ZNF580: variants seen among roughly 807,000 people sequenced by gnomAD.
The protein encoded by ZNF580 is zinc finger protein 580.
ZNF580 carries 1 observed loss-of-function variant against 1.3 expected under a neutral mutation model. The observed-to-expected ratio is 0.77, with a 90% CI of 0.27 to 3.65. The LOEUF is 3.65. Among genes scored for constraint, ZNF580 ranks in the 30% most tolerant of loss-of-function variants. The pLI is 0.19. For missense variants in ZNF580, 268 were observed against 272.3 expected (o/e 0.98, Z 0.11); for synonymous variants, 135 against 128.8 (o/e 1.05, Z -0.32).
In ZNF580 at chr19:55,642,751, G is replaced by T. The variant is rs777386956; in HGVS notation, c.243G>T (p.Ala81=). Reference sequence around the variant, plus strand: ...CCCGGGGCCCGCCCCAGCGCGAGGCGCCCCCAGGAGAGCCCGGCCCTCGCA... The same window carrying T: ...CCCGGGGCCCGCCCCAGCGCGAGGCTCCCCCAGGAGAGCCCGGCCCTCGCA... ...EEPRGPPQRE[A]PPGEPGPRKG... The change falls in exon 2 of 2, where the codon GCG becomes GCT. Residue 81 remains alanine (A), a synonymous_variant. Coordinates refer to ENST00000325333, the MANE Select transcript of ZNF580 (RefSeq NM_207115.2). 2.0e-6 allele frequency: 3 copies of T among 1,530,252 alleles called. No homozygotes were observed. The highest frequency in any genetic ancestry group is 1.2e-5 in the South Asian group (1 of 82,788). 94.8% of individuals were successfully genotyped at this position (1,530,252 alleles called of 1,614,324 possible).
chr19:55,642,405 C>G, intron 1 of ZNF580, 92 bp from the exon 2 acceptor site: 1 of 1,352,044 alleles, frequency 7.4e-7, no homozygotes, highest in Non-Finnish European at 9.5e-7. Flanking sequence ...CAAAGGGTAA[C>G]AAGCAGTGAT....
intron 1 of ZNF580, chr19:55,641,925 A>C: frequency 4.5e-6 from 2 of 443,478 alleles, no homozygotes; most frequent in Non-Finnish European, 3.0e-6. Context: ...GGAGGTACCT[A>C]GAGAGGAAGT....
rs1982612302 is a variant in ZNF580, at chr19:55,642,878, G to A, written c.370G>A (p.Ala124Thr). The A allele has an allele frequency of 1.3e-6, 2 of 1,564,568 alleles. No individual in the cohort carries two copies. Among genetic ancestry groups the A allele is most frequent in the East Asian group, 2.4e-5 (1 of 41,470 alleles). Residue 124 changes from alanine (A) to threonine (T), a missense_variant, in exon 2 of 2, where the codon GCC (alanine) becomes ACC (threonine). Physicochemically the swap from Ala to Thr is moderately conservative, Grantham distance 58 (BLOSUM62 0). Around this residue, in one of 2 missense-constraint regions of ZNF580, gnomAD observed 225 missense variants for 201.7 expected, o/e 1.12. Transcript: ENST00000325333. ...HSDLKPFTCG[A>T]CGKAFKRSSH... ...GGACCTCAAGCCCTTCACGTGCGGC[G>A]CCTGCGGCAAGGCCTTCAAGCGCTC...
At position 55,643,441 on chromosome 19, in the gene ZNF580, C is replaced by T. The variant is rs1485645251; in HGVS notation, c.*414C>T. On this transcript the variant is annotated 3_prime_UTR_variant, in exon 2 of 2. Coordinates refer to ENST00000325333, the MANE Select transcript of ZNF580 (RefSeq NM_207115.2). ...ACCCCCCTTCCGCCCACGCCCCCGACCCTTTGCTCAATAAACATTCCGCAC... is the reference window on the plus strand; with the variant it reads ...ACCCCCCTTCCGCCCACGCCCCCGATCCTTTGCTCAATAAACATTCCGCAC... The T allele has an allele frequency of 1.5e-5, 3 of 206,480 alleles. No individual in the cohort carries two copies. The highest frequency in any genetic ancestry group is 2.5e-4 in the East Asian group (2 of 8,018). 12.8% of individuals were successfully genotyped at this position (206,480 alleles called of 1,614,324 possible). A position where few individuals can be genotyped will look rare whatever the true frequency, so the allele number is the denominator to read the frequency against.
In ZNF580 at chr19:55,642,883, C is replaced by G; in HGVS notation, c.375C>G (p.Cys125Trp). The change falls in exon 2 of 2, where the codon TGC (cysteine) becomes TGG (tryptophan). Residue 125 changes from cysteine to tryptophan, a missense_variant. By Grantham distance (215) the Cys-to-Trp change is radical. Transcript: ENST00000325333. ...TCAAGCCCTTCACGTGCGGCGCCTG[C>G]GGCAAGGCCTTCAAGCGCTCCAGCC... ...SDLKPFTCGA[C>W]GKAFKRSSHL... is the part of the protein sequence containing the mutation. The G allele has an allele frequency of 1.3e-6, 2 of 1,563,576 alleles. No individual in the cohort carries two copies. The highest frequency in any genetic ancestry group is 1.7e-6 in the Non-Finnish European group (2 of 1,163,200).
chr19:55,641,522 G>GA (rs1982477357), intron 1 of ZNF580, among the ~76,000 whole-genome samples: 1 of 152,176 alleles, frequency 6.6e-6, no homozygotes, highest in African/African-American at 2.4e-5. Flanking sequence ...TGGAAGAGGT[G>GA]AACACGAGGA....
Position 55,643,168 on chromosome 19 carries a change from A to C in ZNF580, c.*141A>C. 8.1e-7 allele frequency: 1 copy of C among 1,233,910 alleles called. No homozygotes were observed. The highest frequency in any genetic ancestry group is 1.0e-6 in the Non-Finnish European group (1 of 967,812). The allele number at this position is 1,233,910 out of a possible 1,614,324, so 76.4% of individuals were successfully genotyped here. A position where few individuals can be genotyped will look rare whatever the true frequency, so the allele number is the denominator to read the frequency against. On this transcript the variant is annotated 3_prime_UTR_variant, in exon 2 of 2. Coordinates refer to ENST00000325333, the MANE Select transcript of ZNF580 (RefSeq NM_207115.2). ...TGGGCCTCAGTTTCCCCACCTTCCA[A>C]AGGGAGGAGCATCATTCCTTCCTTA...
At position 55,642,874 on chromosome 19, in the gene ZNF580, C is replaced by T. The variant is rs369129370; in HGVS notation, c.366C>T (p.Cys122=). 22 of 1,564,582 alleles carry T rather than the reference C, an allele frequency of 1.4e-5. No homozygotes were observed. In the African/African-American group the frequency reaches 2.2e-4, roughly 16 times the overall value. Residue 122 remains cysteine, a synonymous_variant, in exon 2 of 2, where the codon TGC becomes TGT. Transcript: ENST00000325333. ...ACTCGGACCTCAAGCCCTTCACGTG[C>T]GGCGCCTGCGGCAAGGCCTTCAAGC... ...VSHSDLKPFT[C]GACGKAFKRS... is the part of the protein sequence containing the mutation.
At chr19:55,642,113 G>A (rs1982533718) in intron 1 of ZNF580, 2 of 1,004,730 alleles carry the variant, frequency 2.0e-6, no homozygotes, top group Admixed American at 1.2e-4. Context: ...GAGAAATCTC[G>A]GCGGTCAGGA....
At chr19:55,642,062 C>G in intron 1 of ZNF580, 1 of 986,894 alleles carries the variant, frequency 1.0e-6, no homozygotes, top group Non-Finnish European at 1.2e-6. Context: ...GTAAACTGAA[C>G]TGGGGCTGGG....
chr19:55,642,722 G>C lies in ZNF580; in HGVS notation c.214G>C (p.Glu72Gln), dbSNP rs1600047030. Residue 72 changes from glutamate to glutamine, a missense_variant, in exon 2 of 2, where the codon GAG becomes CAG. Coordinates refer to ENST00000325333, the MANE Select transcript of ZNF580 (RefSeq NM_207115.2). ...PYTYTVQLEE[E>Q]PRGPPQREAP... ...CACATACACGGTGCAGCTGGAGGAGGAGCCCCGGGGCCCGCCCCAGCGCGA... is the reference window on the plus strand; with the variant it reads ...CACATACACGGTGCAGCTGGAGGAGCAGCCCCGGGGCCCGCCCCAGCGCGA... The C allele has an allele frequency of 4.6e-6, 7 of 1,507,924 alleles. No homozygotes were observed. Among genetic ancestry groups the C allele is most frequent in the South Asian group, 1.2e-5 (1 of 80,654 alleles). The allele number at this position is 1,507,924 out of a possible 1,614,324, so 93.4% of individuals were successfully genotyped here.
chr19:55,641,292 C>A, intron 1 of ZNF580, 109 bp downstream of exon 1: 1 of 708,380 alleles, frequency 1.4e-6, no homozygotes, highest in Non-Finnish European at 1.7e-6. Context: ...GGGTCGGGAG[C>A]GGCAGGATCG....
chr19:55,641,960 T>C, intron 1 of ZNF580: 1 of 746,740 alleles, frequency 1.3e-6, no homozygotes, highest in Non-Finnish European at 1.5e-6. Flanking sequence ...AATATGAAGA[T>C]GGGGAGGCCC....
Position 55,642,981 on chromosome 19 carries a change from G to C in ZNF580, c.473G>C (p.Arg158Pro). ...PPHTCPLCPR[R>P]FQDAAELAQH... is the part of the protein sequence containing the mutation. ...CACACCTGCCCGCTCTGCCCACGCC[G>C]CTTCCAGGACGCCGCGGAGCTGGCG... The change falls in exon 2 of 2, where the codon CGC becomes CCC. Residue 158 changes from arginine (R) to proline (P), a missense_variant. Transcript: ENST00000325333. The C allele has an allele frequency of 7.3e-7, 1 of 1,374,828 alleles. No individual in the cohort carries two copies. The highest frequency in any genetic ancestry group is 9.4e-7 in the Non-Finnish European group (1 of 1,065,384). The allele number at this position is 1,374,828 out of a possible 1,614,324, so 85.2% of individuals were successfully genotyped here.
chr19:55,643,079 A>ACCCACACAGCGTCACTCACT lies in ZNF580; in HGVS notation c.*61_*80dup, dbSNP rs1162022476. ...GCCCGTCTCAGGGCCACCAAGTCTG[A>ACCCACACAGCGTCACTCACT]CCCACACAGCGTCACTCACTCCCAC... On this transcript the variant is annotated 3_prime_UTR_variant, in exon 2 of 2. Coordinates refer to ENST00000325333, the MANE Select transcript of ZNF580 (RefSeq NM_207115.2). The ACCCACACAGCGTCACTCACT allele has an allele frequency of 3.7e-6, 5 of 1,335,056 alleles. No individual in the cohort carries two copies. Among genetic ancestry groups the ACCCACACAGCGTCACTCACT allele is most frequent in the Non-Finnish European group, 4.8e-6 (5 of 1,040,118 alleles). The allele number at this position is 1,335,056 out of a possible 1,614,324, so 82.7% of individuals were successfully genotyped here. A position where few individuals can be genotyped will look rare whatever the true frequency, so the allele number is the denominator to read the frequency against.
chr19:55,642,531 C>T lies in ZNF580; in HGVS notation c.23C>T (p.Pro8Leu). 6.9e-7 allele frequency: 1 copy of T among 1,439,118 alleles called. No homozygotes were observed. Among genetic ancestry groups the T allele is most frequent in the Non-Finnish European group, 9.1e-7 (1 of 1,098,256 alleles). The allele number at this position is 1,439,118 out of a possible 1,614,324, so 89.1% of individuals were successfully genotyped here. ...CAGATGCTGCTGCTGCCGCCGCGGC[C>T]ACCCCACCCTCGGTCCTCCTCTCCG... MLLLPPR[P>L]PHPRSSSPEA... Residue 8 changes from proline to leucine, a missense_variant, in exon 2 of 2, where the codon CCA (proline) becomes CTA (leucine). Coordinates refer to ENST00000325333, the MANE Select transcript of ZNF580 (RefSeq NM_207115.2).
intron 1 of ZNF580, chr19:55,641,931 G>A (rs1449059888): frequency 1.5e-5 from 8 of 518,930 alleles, no homozygotes; most frequent in African/African-American, 2.1e-5. Context: ...ACCTAGAGAG[G>A]AAGTGAGGGA....
intron 1 of ZNF580, 122 bp from the exon 2 acceptor site, chr19:55,642,375 G>T: frequency 7.7e-7 from 1 of 1,294,926 alleles, no homozygotes; most frequent in South Asian, 2.6e-5. Context: ...TATTTTGCTA[G>T]GGAGGTAGTC....
intron 1 of ZNF580, chr19:55,641,664 A>G (rs905512381): frequency 7.9e-5 from 12 of 151,218 alleles, no homozygotes; most frequent in African/African-American, 2.7e-4. Flanking sequence ...GTACAGAAAG[A>G]AGTAACGATG....
Sources: allele counts gnomAD v4.1 joint callset (sites outside exome capture counted in the v4.1 genomes callset), GRCh38; gene constraint gnomAD v4.1.1; regional missense constraint gnomAD v4.1.1; transcripts MANE v1.5; gene names NCBI Gene and HGNC (gene_info 2026-07-23, HGNC 2026-07-21).